Variants in MBP observed in about 807,000 individuals in gnomAD.
MBP encodes the protein myelin basic protein.
A neutral mutation model predicts 35.8 loss-of-function variants in MBP; 16 were observed. The observed-to-expected ratio is 0.45, with a 90% CI of 0.30 to 0.68. The LOEUF (loss-of-function observed/expected upper bound fraction) is 0.68, where lower values mean the gene tolerates loss of function less well. Among genes scored for constraint, MBP ranks in the 30% least tolerant of loss-of-function variants. The pLI is 0.08. For synonymous variants in MBP, 143 were observed against 159.6 expected (o/e 0.90, Z 0.78); for missense variants, 380 against 404.7 (o/e 0.94, Z 0.52).
At chr18:77,049,441 A>T (rs947348007) in intron 3 of MBP, among the ~76,000 whole-genome samples, 1 of 152,194 alleles carries the variant, frequency 6.6e-6, no homozygotes, top group East Asian at 1.9e-4. Context: ...GAATTTCTGC[A>T]AGTAGAGAGT....
In MBP at chr18:76,979,075, A is replaced by C. The variant is rs1346024146; in HGVS notation, c.*1352T>G. 2 of 152,170 alleles carry C rather than the reference A, an allele frequency of 1.3e-5. No homozygotes were observed. Among genetic ancestry groups the C allele is most frequent in the African/African-American group, 4.8e-5 (2 of 41,432 alleles). The allele number at this position is 152,170 out of a possible 1,614,324, so 9.4% of individuals were successfully genotyped here. A position where few individuals can be genotyped will look rare whatever the true frequency, so the allele number is the denominator to read the frequency against. On this transcript the variant is annotated 3_prime_UTR_variant, in exon 9 of 9. Coordinates refer to ENST00000355994, the MANE Select transcript of MBP (RefSeq NM_001025101.2). ...TAGACATGGTATTAAGCCCACACGA[A>C]ACATTCAGAATTAGAATTGGATTAA...
At chr18:77,080,036 C>G (rs1416101147) in intron 2 of MBP, among the ~76,000 whole-genome samples, 1 of 152,140 alleles carries the variant, frequency 6.6e-6, no homozygotes, top group East Asian at 1.9e-4. Flanking sequence ...TGGTGATAAA[C>G]TGTATTTGAA....
At chr18:77,059,066 G>T (rs1447230470) in intron 3 of MBP, among the ~76,000 whole-genome samples, 1 of 152,092 alleles carries the variant, frequency 6.6e-6, no homozygotes, top group African/African-American at 2.4e-5. Flanking sequence ...CGAGTTCGGG[G>T]AAAATAATTT....
chr18:77,061,641 G>C (rs1202275574), intron 3 of MBP, among the ~76,000 whole-genome samples: 1 of 152,160 alleles, frequency 6.6e-6, no homozygotes, highest in East Asian at 1.9e-4. Context: ...GAAACGGGCG[G>C]CTCCCTGCAG....
In MBP at chr18:77,066,984, T is replaced by C. The variant is rs555023544; in HGVS notation, c.52-599A>G. Among the ~76,000 whole-genome samples, 124 of 152,360 alleles carry C rather than the reference T, an allele frequency of 8.1e-4. 1 individual carries two copies. The highest frequency in any genetic ancestry group is 2.9e-3 in the African/African-American group (121 of 41,582). On this transcript the variant is annotated intron_variant, in intron 2 of 8. Transcript: ENST00000355994. The stretch of plus-strand genomic sequence containing the variant: ...TCTCCTCTGGGCCTCCCTTTGCCTG[T>C]CGTTTGGGGCCCGAATGGCAGTGTG...
intron 4 of MBP, chr18:77,012,736 G>GC: frequency 3.1e-6 from 3 of 967,938 alleles, no homozygotes; most frequent in Non-Finnish European, 3.7e-6. Flanking sequence ...CGTGGTGGGG[G>GC]CAACCAAACC....
chr18:77,028,732 G>A (rs1253492890), intron 3 of MBP, among the ~76,000 whole-genome samples: 9 of 98,110 alleles, frequency 9.2e-5, no homozygotes, highest in East Asian at 6.1e-4. Context: ...GGACGGGGCG[G>A]CTGGCCAGGC....
intron 3 of MBP, among the ~76,000 whole-genome samples, chr18:77,065,422 G>A (rs1237070164): frequency 6.6e-6 from 1 of 152,114 alleles, no homozygotes; most frequent in Non-Finnish European, 1.5e-5. Flanking sequence ...CATCCCAAAG[G>A]CCCCACGTCC....
chr18:76,994,076 T>C (rs1045980047), intron 4 of MBP, among the ~76,000 whole-genome samples: 12 of 152,164 alleles, frequency 7.9e-5, no homozygotes, highest in Non-Finnish European at 1.6e-4. Context: ...TGTACGTTCT[T>C]CTCCTCCATG....
chr18:76,978,928 AC>A lies in MBP; in HGVS notation c.*1498del, dbSNP rs1474875516. On this transcript the variant is annotated 3_prime_UTR_variant, in exon 9 of 9. Coordinates refer to ENST00000355994, the MANE Select transcript of MBP (RefSeq NM_001025101.2). ...CAGCACGTGCTGTGTGGGTGCGGCC[AC>A]GTATGGATCGCAGAGCCGACCTCAG... 1 of 152,206 alleles carries A rather than the reference AC, an allele frequency of 6.6e-6. No individual in the cohort carries two copies. Among genetic ancestry groups the A allele is most frequent in the East Asian group, 1.9e-4 (1 of 5,200 alleles). The allele number at this position is 152,206 out of a possible 1,614,324, so 9.4% of individuals were successfully genotyped here.
intron 2 of MBP, among the ~76,000 whole-genome samples, chr18:77,081,767 T>TAC (rs1208032259): frequency 1.1e-3 from 106 of 99,866 alleles, no homozygotes; most frequent in African/African-American, 3.4e-3. Context: ...TATATATATA[T>TAC]ACACACACAC....
At chr18:77,107,432 C>T (rs2145147711) in intron 1 of MBP, among the ~76,000 whole-genome samples, 1 of 152,322 alleles carries the variant, frequency 6.6e-6, no homozygotes, top group East Asian at 1.9e-4. Flanking sequence ...CTCCTCCCAC[C>T]TCCTTATGCT....
chr18:77,123,708 C>T (rs559647867), intron 1 of MBP, among the ~76,000 whole-genome samples: 13 of 152,320 alleles, frequency 8.5e-5, no homozygotes, highest in African/African-American at 3.1e-4. Context: ...GCCAGCTTGT[C>T]CCCTCTCCTG....
At position 76,984,398 on chromosome 18, in the gene MBP, A is replaced by T. The variant is rs528119058; in HGVS notation, c.870+377T>A. 7 of 232,530 alleles carry T rather than the reference A, an allele frequency of 3.0e-5. No individual in the cohort carries two copies. In the East Asian group the frequency reaches 6.5e-4, roughly 22 times the overall value. The allele number at this position is 232,530 out of a possible 1,614,324, so 14.4% of individuals were successfully genotyped here. A position where few individuals can be genotyped will look rare whatever the true frequency, so the allele number is the denominator to read the frequency against. On this transcript the variant is annotated intron_variant, in intron 8 of 8. Transcript: ENST00000355994. ...GGCATTCCCTCCCGTGGCTCCAGGG[A>T]TCTCCCCCCGACACCCACGTCTGCT...
At chr18:77,017,357 G>A in intron 3 of MBP, 89 bp from the exon 4 acceptor site, 3 of 1,274,058 alleles carry the variant, frequency 2.4e-6, no homozygotes, top group Non-Finnish European at 2.1e-6. Flanking sequence ...TGACCTAGCT[G>A]TCTCCTATAA....
intron 2 of MBP, among the ~76,000 whole-genome samples, chr18:77,086,106 G>C (rs538712356): frequency 6.6e-6 from 1 of 152,306 alleles, no homozygotes; most frequent in East Asian, 1.9e-4. Flanking sequence ...AACGCAAAAT[G>C]GAACTGCCAT....
chr18:77,125,887 C>CG (rs1491464304), intron 1 of MBP, among the ~76,000 whole-genome samples: 1 of 40,146 alleles, frequency 2.5e-5, no homozygotes, highest in South Asian at 8.4e-4. Context: ...ATTCAAGAAA[C>CG]CAAAAAAAAA....
chr18:76,990,112 T>C, intron 4 of MBP, 52 bp from the exon 5 acceptor site: 3 of 1,243,300 alleles, frequency 2.4e-6, no homozygotes, highest in Non-Finnish European at 3.5e-6. Flanking sequence ...TCCCTGCGGC[T>C]TGTCCTCCTC....
chr18:76,984,563 C>A (rs1218560838), intron 8 of MBP: 9 of 622,844 alleles, frequency 1.4e-5, no homozygotes, highest in Non-Finnish European at 2.4e-5. Flanking sequence ...CTTCCTCAAG[C>A]ACCTCCGGCT....
Sources: gnomAD v4.1 joint callset for allele counts (sites outside exome capture counted in the v4.1 genomes callset) on GRCh38, gnomAD v4.1.1 for gene constraint, MANE v1.5 for transcripts, NCBI Gene and HGNC (gene_info 2026-07-23, HGNC 2026-07-21) for gene names.